The following P3H3 variants were observed in gnomAD, a reference collection of about 807,000 sequenced individuals.
P3H3 encodes prolyl 3-hydroxylase 3.
Under a neutral mutation model 78.1 loss-of-function variants are expected in P3H3, and 64 were observed. The observed-to-expected ratio is 0.82, with a 90% CI of 0.67 to 1.01. The LOEUF is 1.01. Ranked by LOEUF, P3H3 falls within the 50% of genes least tolerant of loss-of-function variation. The pLI, the probability that P3H3 is intolerant of heterozygous loss-of-function variation, is 0.00. For missense variants in P3H3, 975 were observed against 982.2 expected (o/e 0.99, Z 0.10); for synonymous variants, 425 against 416.7 (o/e 1.02, Z -0.24).
chr12:6,833,202 C>A (rs1412964440), intron 6 of P3H3, among the ~76,000 whole-genome samples: 1 of 152,026 alleles, frequency 6.6e-6, no homozygotes, highest in Non-Finnish European at 1.5e-5. Flanking sequence ...AAAACAACAA[C>A]AAAAAACAAC....
chr12:6,834,329 T>G (rs947291126), intron 9 of P3H3, among the ~76,000 whole-genome samples: 1 of 152,192 alleles, frequency 6.6e-6, no homozygotes, highest in African/African-American at 2.4e-5. Context: ...AAGGATTGCT[T>G]GGTTAGCCAA....
chr12:6,830,972 T>C, intron 4 of P3H3: 1 of 857,284 alleles, frequency 1.2e-6, no homozygotes, highest in Non-Finnish European at 1.9e-6. Context: ...CCTTCTGCCT[T>C]GCTGCTTCTC....
chr12:6,828,787 G>GT lies in P3H3; in HGVS notation c.348dup (p.Ala117CysfsTer80). 5 of 1,238,004 alleles carry GT rather than the reference G, an allele frequency of 4.0e-6. No individual in the cohort carries two copies. The highest frequency in any genetic ancestry group is 5.0e-6 in the Non-Finnish European group (5 of 990,754). 76.7% of individuals were successfully genotyped at this position (1,238,004 alleles called of 1,614,324 possible). A position where few individuals can be genotyped will look rare whatever the true frequency, so the allele number is the denominator to read the frequency against. Reference sequence around the variant, plus strand: ...GGGTCCTGGGAGCGACAGCTTCTCCGTGCAGCGCTCCGCCGCGCAGACTGC... The same window carrying GT: ...GGGTCCTGGGAGCGACAGCTTCTCCGTTGCAGCGCTCCGCCGCGCAGACTGC... On this transcript the variant is annotated frameshift_variant, in exon 1 of 15. Coordinates refer to ENST00000290510, the MANE Select transcript of P3H3 (RefSeq NM_014262.5). LOFTEE classifies it high-confidence loss of function.
rs782121862 is a variant in P3H3, at chr12:6,831,050, G to C, written c.986-166G>C. 2.3e-5 allele frequency: 22 copies of C among 956,034 alleles called. No homozygotes were observed. The highest frequency in any genetic ancestry group is 3.7e-5 in the Non-Finnish European group (22 of 591,508). 59.2% of individuals were successfully genotyped at this position (956,034 alleles called of 1,614,324 possible). ...CCAGCTAAGGTATGTTTGCACCAGT[G>C]TTTGAAAGAACCGGCAGCTGAACTT... On this transcript the variant is annotated intron_variant, in intron 4 of 14. Transcript: ENST00000290510. This position sits in a 1 kb window ranked among gnomAD's most constrained non-coding sequence, Gnocchi z 4.6.
Position 6,839,665 on chromosome 12 carries a change from G to T in P3H3, c.*204G>T. ...TAGCCTGGAGCTCACCAGGCCTGGG[G>T]AGCTGGGACGGGGCCCCGCTGCCGG... is the stretch of plus-strand genomic sequence containing the variant. On this transcript the variant is annotated 3_prime_UTR_variant, in exon 15 of 15. Transcript: ENST00000290510. The T allele has an allele frequency of 2.9e-6, 2 of 682,528 alleles. No individual in the cohort carries two copies. Among genetic ancestry groups the T allele is most frequent in the East Asian group, 2.8e-5 (1 of 36,020 alleles). The allele number at this position is 682,528 out of a possible 1,614,324, so 42.3% of individuals were successfully genotyped here. A position where few individuals can be genotyped will look rare whatever the true frequency, so the allele number is the denominator to read the frequency against.
Position 6,831,695 on chromosome 12 carries a change from A to C in P3H3, c.1123-130A>C. On this transcript the variant is annotated intron_variant, in intron 5 of 14. Transcript: ENST00000290510. The surrounding 1 kb of genome is among the most constrained non-coding windows in gnomAD (Gnocchi z 4.6). ...GATGCTCTGAAGCTGCTGAGGGGGA[A>C]CGTTGAACAGAGGAACCGGGGGGCA... is the stretch of plus-strand genomic sequence containing the variant. 2 of 714,180 alleles carry C rather than the reference A, an allele frequency of 2.8e-6. No homozygotes were observed. Among genetic ancestry groups the C allele is most frequent in the Non-Finnish European group, 5.0e-6 (2 of 400,156 alleles). 44.2% of individuals were successfully genotyped at this position (714,180 alleles called of 1,614,324 possible).
At chr12:6,834,101 A>G in intron 9 of P3H3, 52 bp downstream of exon 9, 2 of 1,606,802 alleles carry the variant, frequency 1.2e-6, no homozygotes, top group Non-Finnish European at 1.7e-6. Context: ...GGATACAATC[A>G]CCTGTTCCCT....
intron 13 of P3H3, 70 bp from the exon 14 acceptor site, chr12:6,838,930 T>C (rs1943528546): frequency 7.1e-7 from 1 of 1,414,270 alleles, no homozygotes; most frequent in Non-Finnish European, 9.6e-7. Context: ...CCCATCCTGC[T>C]CTAGGGAGTG....
rs190583646 is a variant in P3H3 at position 6,832,966 on chromosome 12, G to A, written c.1213-626G>A. 9.4e-3 allele frequency among the ~76,000 whole-genome samples: 1,379 copies of A among 147,132 alleles called. 85 individuals are homozygous for A. Among genetic ancestry groups the A allele is most frequent in the Admixed American group, 0.086 (1,243 of 14,506 alleles). ...CGAGGCAGGTGGATCACCAGATCAG[G>A]AGTTCAAGACCAGCCTGGCCAACAT... On this transcript the variant is annotated intron_variant, in intron 6 of 14. Transcript: ENST00000290510.
intron 9 of P3H3, among the ~76,000 whole-genome samples, chr12:6,836,335 A>T (rs1943496643): frequency 6.6e-6 from 1 of 152,160 alleles, no homozygotes; most frequent in Non-Finnish European, 1.5e-5. Context: ...TGCTTAAACA[A>T]ATTCAAAAAG....
chr12:6,830,545 G>T lies in P3H3; in HGVS notation c.844G>T (p.Ala282Ser). Residue 282 changes from alanine to serine, a missense_variant, in exon 3 of 15, where the codon GCC (alanine) becomes TCC (serine). Ala to Ser is a moderately conservative substitution (Grantham distance 99). Coordinates refer to ENST00000290510, the MANE Select transcript of P3H3 (RefSeq NM_014262.5). ...GAASQGGLYEAIAGHWIQVLQ... is the reference protein window; with the variant it reads ...GAASQGGLYESIAGHWIQVLQ... Reference sequence around the variant, plus strand: ...TGCGAGCCAGGGGGGCCTCTATGAGGCCATTGCAGGTAAGGGTCCCGTGTG... The same window carrying T: ...TGCGAGCCAGGGGGGCCTCTATGAGTCCATTGCAGGTAAGGGTCCCGTGTG... The T allele has an allele frequency of 6.4e-7, 1 of 1,573,380 alleles. No individual in the cohort carries two copies. Among genetic ancestry groups the T allele is most frequent in the Non-Finnish European group, 8.6e-7 (1 of 1,160,138 alleles).
At chr12:6,838,102 G>A in intron 13 of P3H3, 69 bp downstream of exon 13, 2 of 1,547,210 alleles carry the variant, frequency 1.3e-6, no homozygotes, top group South Asian at 1.2e-5. Flanking sequence ...CAAAACAGAA[G>A]GCTCCAGAGG....
chr12:6,829,521 C>T lies in P3H3; in HGVS notation c.499-338C>T. The T allele has an allele frequency of 2.9e-6, 1 of 341,200 alleles. No individual in the cohort carries two copies. The highest frequency in any genetic ancestry group is 5.5e-6 in the Non-Finnish European group (1 of 183,294). 21.1% of individuals were successfully genotyped at this position (341,200 alleles called of 1,614,324 possible). A position where few individuals can be genotyped will look rare whatever the true frequency, so the allele number is the denominator to read the frequency against. On this transcript the variant is annotated intron_variant, in intron 1 of 14. Transcript: ENST00000290510. The surrounding 1 kb of genome is among the most constrained non-coding windows in gnomAD (Gnocchi z 5.1). ...GGGTCCTAGAGACCTGCGGGTTTTGCTGGTCGCTGAGGTCTCCCCCACTTC... is the reference window on the plus strand; with the variant it reads ...GGGTCCTAGAGACCTGCGGGTTTTGTTGGTCGCTGAGGTCTCCCCCACTTC...
Position 6,830,686 on chromosome 12 carries a change from A to G in P3H3, c.901A>G (p.Thr301Ala), listed in dbSNP as rs10744716. The change falls in exon 4 of 15, where the codon ACA becomes GCA. Residue 301 changes from threonine to alanine, a missense_variant. Physicochemically the swap from Thr to Ala is moderately conservative, Grantham distance 58 (BLOSUM62 0). Transcript: ENST00000290510. The stretch of plus-strand genomic sequence containing the variant: ...GTGCCGGCAACGCTGTGTGGGGGAA[A>G]CAGCCACACGCCCTGGTCGCAGCTT... ...LQCRQRCVGETATRPGRSFPV... is the reference protein window; with the variant it reads ...LQCRQRCVGEAATRPGRSFPV... 822,007 of 1,612,588 alleles carry G rather than the reference A, an allele frequency of 0.51. 214,771 individuals are homozygous for G. The highest frequency in any genetic ancestry group is 0.76 in the African/African-American group (56,924 of 74,926).
rs1555121747 is a variant in P3H3 at position 6,833,780 on chromosome 12, T to A, written c.1304T>A (p.Val435Glu). ...AAGAGGCCTTGGGACCATGAGCCCG[T>A]GAAGCCAAAGCCCTTGACCTACTGG... is the stretch of plus-strand genomic sequence containing the variant. Reference protein sequence around the residue: ...QEKRPWDHEPVKPKPLTYWKD... With the variant: ...QEKRPWDHEPEKPKPLTYWKD... The change falls in exon 8 of 15, where the codon GTG becomes GAG. Residue 435 changes from valine to glutamate, a missense_variant. By Grantham distance (121) the Val-to-Glu change is moderately radical. Coordinates refer to ENST00000290510, the MANE Select transcript of P3H3 (RefSeq NM_014262.5). The A allele has an allele frequency of 1.9e-6, 3 of 1,612,138 alleles. No homozygotes were observed. The highest frequency in any genetic ancestry group is 2.5e-6 in the Non-Finnish European group (3 of 1,178,422).
chr12:6,836,235 G>GAA (rs10654551), intron 9 of P3H3, among the ~76,000 whole-genome samples: 70,888 of 142,098 alleles, frequency 0.5, 18,308 homozygotes, highest in East Asian at 0.66. Context: ...AACAAAAAAT[G>GAA]AAAAAAAAAA....
At chr12:6,830,139 T>C in intron 2 of P3H3, 128 bp downstream of exon 2, 1 of 1,250,026 alleles carries the variant, frequency 8.0e-7, no homozygotes, top group Non-Finnish European at 1.1e-6. Context: ...CGACCCTGGC[T>C]GGGAGTCCTT....
At chr12:6,830,603 T>C (rs2137958622) in intron 3 of P3H3, 36 bp from the exon 4 acceptor site, 3 of 1,595,800 alleles carry the variant, frequency 1.9e-6, no homozygotes, top group Non-Finnish European at 2.6e-6. Context: ...GGGAGGGGCA[T>C]GAACAAGCTG....
chr12:6,836,622 T>C (rs1039941473), intron 9 of P3H3, among the ~76,000 whole-genome samples: 6 of 152,186 alleles, frequency 3.9e-5, no homozygotes, highest in Non-Finnish European at 8.8e-5. Flanking sequence ...GACTCCTCTA[T>C]TCTTGGCTCA....
Sources: gnomAD v4.1 joint callset for allele counts (sites outside exome capture counted in the v4.1 genomes callset) on GRCh38, gnomAD v4.1.1 for gene constraint, Gnocchi (gnomAD v3.1) non-coding constraint, MANE v1.5 for transcripts, NCBI Gene and HGNC (gene_info 2026-07-23, HGNC 2026-07-21) for gene names.